The following GSPT1 variants were observed in gnomAD, a reference collection of about 807,000 sequenced individuals.
GSPT1 encodes eukaryotic peptide chain release factor GTP-binding subunit ERF3A.
GSPT1 carries 20 observed loss-of-function variants against 72.5 expected under a neutral mutation model. The observed-to-expected ratio is 0.28, with a 90% CI of 0.19 to 0.40. The LOEUF (loss-of-function observed/expected upper bound fraction) is 0.40, where lower values mean the gene tolerates loss of function less well. GSPT1 is among the 10% of genes least tolerant of loss of function. The pLI, the probability that GSPT1 is intolerant of heterozygous loss-of-function variation, is 1.00. For synonymous variants in GSPT1, 334 were observed against 293.5 expected, an observed-to-expected ratio of 1.14 and a Z score of -1.41; for missense variants, 580 against 811.9, an observed-to-expected ratio of 0.71 and a Z score of 3.47.
At chr16:11,889,494 C>G (rs1368305554) in intron 6 of GSPT1, among the ~76,000 whole-genome samples, 2 of 148,690 alleles carry the variant, frequency 1.3e-5, no homozygotes, top group East Asian at 4.0e-4. Flanking sequence ...CCCACCACCA[C>G]GCCCGGCTAC....
chr16:11,902,404 CA>C (rs775362322), intron 1 of GSPT1, among the ~76,000 whole-genome samples: 20,390 of 61,532 alleles, frequency 0.33, 851 homozygotes, highest in Middle Eastern at 0.4. Context: ...GACTCTGTCT[CA>C]AAAAAAAAAA....
intron 4 of GSPT1, 31 bp from the exon 5 acceptor site, chr16:11,895,018 G>T: frequency 6.5e-7 from 1 of 1,528,810 alleles, no homozygotes; most frequent in Non-Finnish European, 9.0e-7. Flanking sequence ...CAAACCATAG[G>T]TTAAAACCAA....
At position 11,868,639 on chromosome 16, in the gene GSPT1, G is replaced by A. The variant is rs2053945697; in HGVS notation, c.*4480C>T. 6.6e-6 allele frequency: 1 copy of A among 152,176 alleles called. No individual in the cohort carries two copies. The highest frequency in any genetic ancestry group is 2.1e-4 in the South Asian group (1 of 4,826). 9.4% of individuals were successfully genotyped at this position (152,176 alleles called of 1,614,324 possible). On this transcript the variant is annotated 3_prime_UTR_variant, in exon 15 of 15. Coordinates refer to ENST00000434724, the MANE Select transcript of GSPT1 (RefSeq NM_002094.4). ...AGCTCCAGCACACACACTCTTCCCT[G>A]GGCAGCAGGAAAAGGAGGTAACAAG...
At chr16:11,907,339 G>A (rs780425076) in intron 1 of GSPT1, among the ~76,000 whole-genome samples, 4 of 152,072 alleles carry the variant, frequency 2.6e-5, no homozygotes, top group Non-Finnish European at 5.9e-5. Flanking sequence ...CTCCTCTCAT[G>A]GATATGACTG....
intron 7 of GSPT1, 22 bp downstream of exon 7, chr16:11,887,548 G>T: frequency 1.3e-6 from 2 of 1,597,544 alleles, no homozygotes; most frequent in Non-Finnish European, 1.7e-6. Context: ...ATATACAGAT[G>T]GACTGGAAAT....
In GSPT1 at chr16:11,898,033, G is replaced by A. The variant is rs1386225667; in HGVS notation, c.355C>T (p.Pro119Ser). ...TGTTCCTCTTGAGAGGATTCCACAG[G>A]TGCTGTTTAACAGAAAGAAGTTCTA... ...AGSGAGGRAA[P>S]VESSQEEQSL... Residue 119 changes from proline to serine, a missense_variant and splice_region_variant, in exon 2 of 15, where the codon CCT becomes TCT. By Grantham distance (74) the Pro-to-Ser change is moderately conservative (BLOSUM62 -1). Transcript: ENST00000434724. 1 of 1,540,860 alleles carries A rather than the reference G, an allele frequency of 6.5e-7. No individual in the cohort carries two copies. Among genetic ancestry groups the A allele is most frequent in the Non-Finnish European group, 8.8e-7 (1 of 1,136,134 alleles).
At chr16:11,915,167 C>A (rs2054615711) in intron 1 of GSPT1, 1 of 1,032,604 alleles carries the variant, frequency 9.7e-7, no homozygotes, top group South Asian at 4.4e-5. Flanking sequence ...TGCCCGCTGT[C>A]CGCTCCCCGC....
intron 1 of GSPT1, among the ~76,000 whole-genome samples, chr16:11,907,614 CCT>C (rs34805450): frequency 0.2 from 29,891 of 151,978 alleles, 7,298 homozygotes; most frequent in African/African-American, 0.57. Flanking sequence ...CTTCCCGCCC[CCT>C]GTTATTAAAC....
intron 1 of GSPT1, among the ~76,000 whole-genome samples, chr16:11,912,103 G>A (rs1273022937): frequency 3.4e-5 from 5 of 146,990 alleles, no homozygotes; most frequent in African/African-American, 1.3e-4. Context: ...GGCACTTTGG[G>A]AGGCCAAGGC....
chr16:11,908,809 G>A (rs1329811487), intron 1 of GSPT1: 2 of 149,376 alleles, frequency 1.3e-5, no homozygotes, highest in Non-Finnish European at 3.0e-5. Context: ...AATTAGCCAG[G>A]CATGGCGGTG....
chr16:11,901,928 T>A (rs2054412331), intron 1 of GSPT1, among the ~76,000 whole-genome samples: 1 of 151,414 alleles, frequency 6.6e-6, no homozygotes, highest in Non-Finnish European at 1.5e-5. Flanking sequence ...AAACCCCAAC[T>A]CTACTAAAAA....
At chr16:11,915,054 C>G (rs1370368005) in intron 1 of GSPT1, 4 of 1,291,388 alleles carry the variant, frequency 3.1e-6, no homozygotes, top group Middle Eastern at 4.2e-4. Context: ...CCGCGGCCCC[C>G]ACTCCGTTCC....
At chr16:11,874,454 C>CTTTTTTTTTTTTTTTTTTTTTTT (rs200991035) in intron 14 of GSPT1, among the ~76,000 whole-genome samples, 2 of 95,890 alleles carry the variant, frequency 2.1e-5, no homozygotes, top group Non-Finnish European at 2.0e-5. Flanking sequence ...GCCAAGTTAG[C>CTTTTTTTTTTTTTTTTTTTTTTT]TTTTTTTTTT....
rs1038596289 is a variant in GSPT1 at position 11,871,049 on chromosome 16, A to G, written c.*2070T>C. The G allele has an allele frequency of 1.3e-5, 2 of 152,166 alleles. No homozygotes were observed. The highest frequency in any genetic ancestry group is 3.8e-4 in the East Asian group (2 of 5,206). The allele number at this position is 152,166 out of a possible 1,614,324, so 9.4% of individuals were successfully genotyped here. On this transcript the variant is annotated 3_prime_UTR_variant, in exon 15 of 15. Coordinates refer to ENST00000434724, the MANE Select transcript of GSPT1 (RefSeq NM_002094.4). ...CATTAAAATTCAAGCAATTGCTAGT[A>G]TTTGTTTTTATTAACATGGAATTAC...
Position 11,873,054 on chromosome 16 carries a change from G to A in GSPT1, c.*65C>T, listed in dbSNP as rs566870999. 1.3e-4 allele frequency: 110 copies of A among 830,330 alleles called. No homozygotes were observed. Among genetic ancestry groups the A allele is most frequent in the Middle Eastern group, 7.0e-4 (3 of 4,262 alleles). 51.4% of individuals were successfully genotyped at this position (830,330 alleles called of 1,614,324 possible). On this transcript the variant is annotated 3_prime_UTR_variant, in exon 15 of 15. Transcript: ENST00000434724. ...CAATGGGCAGAAAATAAGAGAAGGCGGTGTGAAGTAGGCTTCTGCAGTCAA... is the reference window on the plus strand; with the variant it reads ...CAATGGGCAGAAAATAAGAGAAGGCAGTGTGAAGTAGGCTTCTGCAGTCAA...
chr16:11,876,220 A>G (rs754721879), intron 12 of GSPT1, 45 bp from the exon 13 acceptor site: 3 of 1,185,336 alleles, frequency 2.5e-6, no homozygotes, highest in Non-Finnish European at 3.8e-6. Context: ...CTTAGGGTAA[A>G]TAAGAATTCA....
intron 14 of GSPT1, among the ~76,000 whole-genome samples, chr16:11,874,211 G>C (rs529142279): frequency 1.1e-4 from 17 of 151,978 alleles, no homozygotes; most frequent in African/African-American, 3.9e-4. Flanking sequence ...GTACAATTCT[G>C]TAAACATACT....
chr16:11,884,784 A>C (rs1002805476), intron 10 of GSPT1, among the ~76,000 whole-genome samples: 32 of 136,374 alleles, frequency 2.3e-4, no homozygotes, highest in Admixed American at 1.8e-3. Flanking sequence ...AAAAAAAAGA[A>C]GGCCAGGTAC....
chr16:11,915,150 G>GGCGCGCT (rs541679317), intron 1 of GSPT1: 22,306 of 1,042,262 alleles, frequency 0.021, 276 homozygotes, highest in Middle Eastern at 0.024. Flanking sequence ...CGGGTCTTTG[G>GGCGCGCT]GCGCGCTGCC....
Sources: allele counts gnomAD v4.1 joint callset (sites outside exome capture counted in the v4.1 genomes callset), GRCh38; gene constraint gnomAD v4.1.1; transcripts MANE v1.5; gene names NCBI Gene and HGNC (gene_info 2026-07-23, HGNC 2026-07-21).